CFAP77: variants seen among roughly 807,000 people sequenced by gnomAD.
CFAP77 encodes cilia- and flagella-associated protein 77.
In CFAP77, 25 loss-of-function variants were observed where a neutral mutation model predicts 31.1. That is an observed-to-expected ratio of 0.80 (90% CI 0.59 to 1.12). CFAP77 has a LOEUF of 1.12. CFAP77 is among the 50% of genes most tolerant of loss of function. The probability of loss-of-function intolerance (pLI) is 0.00; values close to 1 mark genes in which losing one functional copy is unlikely to be tolerated. For missense variants in CFAP77, 377 were observed against 397.3 expected (o/e 0.95, Z 0.44); for synonymous variants, 151 against 159.9 (o/e 0.94, Z 0.42).
chr9:132,521,778 T>TTTTTTTTTTTTTTTTTTTTTTTG (rs533275755), intron 3 of CFAP77, among the ~76,000 whole-genome samples: 2 of 106,150 alleles, frequency 1.9e-5, no homozygotes, highest in Admixed American at 1.1e-4. Context: ...TTTTTTTTTT[T>TTTTTTTTTTTTTTTTTTTTTTTG]TTTTTTGAGA....
At chr9:132,429,394 C>T (rs1265789512) in intron 1 of CFAP77, among the ~76,000 whole-genome samples, 5 of 151,512 alleles carry the variant, frequency 3.3e-5, no homozygotes, top group African/African-American at 9.7e-5. Context: ...CAAAAATTAG[C>T]CAGGGGTGGT....
At chr9:132,515,069 AG>A (rs1318646995) in intron 3 of CFAP77, among the ~76,000 whole-genome samples, 2 of 152,188 alleles carry the variant, frequency 1.3e-5, no homozygotes, top group African/African-American at 4.8e-5. Flanking sequence ...AAAGGGTGCC[AG>A]GGAACACGTG....
At chr9:132,449,800 G>A (rs924670780) in intron 1 of CFAP77, among the ~76,000 whole-genome samples, 1 of 152,156 alleles carries the variant, frequency 6.6e-6, no homozygotes, top group African/African-American at 2.4e-5. Context: ...CTACCAGCAG[G>A]GTATGAGCAT....
chr9:132,443,837 A>G (rs1318989776), intron 1 of CFAP77, among the ~76,000 whole-genome samples: 2 of 152,214 alleles, frequency 1.3e-5, no homozygotes, highest in Admixed American at 6.5e-5. Context: ...AATAGTAGAC[A>G]CTGGACTTGA....
chr9:132,449,702 G>A (rs965946720), intron 1 of CFAP77, among the ~76,000 whole-genome samples: 2 of 152,150 alleles, frequency 1.3e-5, no homozygotes, highest in Non-Finnish European at 2.9e-5. Context: ...ACCCAGGAAC[G>A]GGATTGTGGA....
In CFAP77 at chr9:132,468,164, G is replaced by A. The variant is rs1021086034; in HGVS notation, c.196-30531G>A. On this transcript the variant is annotated intron_variant, in intron 1 of 5. Transcript: ENST00000393216. ...TCGAGACCAGCCTGGTCAACATGGC[G>A]AAACCCCGTATCTACTAAAAAATAC... Among the ~76,000 whole-genome samples, 7 of 152,052 alleles carry A rather than the reference G, an allele frequency of 4.6e-5. No individual in the cohort carries two copies. In the East Asian group the frequency reaches 7.7e-4, roughly 17 times the overall value.
intron 3 of CFAP77, among the ~76,000 whole-genome samples, chr9:132,515,564 C>T (rs371191752): frequency 6.6e-6 from 1 of 152,276 alleles, no homozygotes; most frequent in South Asian, 2.1e-4. Flanking sequence ...GGCCCAGGCA[C>T]GGGGCCTTCT....
chr9:132,548,803 A>G (rs1046029655), intron 5 of CFAP77, among the ~76,000 whole-genome samples: 1 of 150,956 alleles, frequency 6.6e-6, no homozygotes, highest in Non-Finnish European at 1.5e-5. Flanking sequence ...TCACTAAAGT[A>G]TGAACAAATT....
In CFAP77 at chr9:132,499,165, C is replaced by T. The variant is rs973429148; in HGVS notation, c.296-207C>T. Among the ~76,000 whole-genome samples the T allele has an allele frequency of 5.9e-5, 9 of 152,236 alleles. No homozygotes were observed. The highest frequency in any genetic ancestry group is 1.0e-4 in the Non-Finnish European group (7 of 68,034). On this transcript the variant is annotated intron_variant, in intron 2 of 5. Coordinates refer to ENST00000393216, the MANE Select transcript of CFAP77 (RefSeq NM_001282957.2). The surrounding 1 kb of genome is among the most constrained non-coding windows in gnomAD (Gnocchi z 5.4). Reference sequence around the variant, plus strand: ...GCCCAGCTCCAGGGAAGATGCTTGGCTTGGGTACCCTCAGGATCTCTGGGA... The same window carrying T: ...GCCCAGCTCCAGGGAAGATGCTTGGTTTGGGTACCCTCAGGATCTCTGGGA...
chr9:132,486,017 T>C (rs1851536363), intron 1 of CFAP77, among the ~76,000 whole-genome samples: 1 of 40,930 alleles, frequency 2.4e-5, no homozygotes, highest in African/African-American at 2.6e-4. Flanking sequence ...TATATATATA[T>C]ATATATATAT....
intron 1 of CFAP77, among the ~76,000 whole-genome samples, chr9:132,496,967 T>G (rs760938925): frequency 1.3e-5 from 2 of 152,170 alleles, no homozygotes; most frequent in African/African-American, 2.4e-5. Context: ...TAAGAGTCAC[T>G]GGCATTCAGA....
intron 5 of CFAP77, among the ~76,000 whole-genome samples, chr9:132,549,996 CAAAAG>C (rs1852798875): frequency 6.6e-6 from 1 of 152,178 alleles, no homozygotes; most frequent in Admixed American, 6.5e-5. Flanking sequence ...GAGGCAGAGA[CAAAAG>C]GAAAGGAGGT....
rs1296226605 is a variant in CFAP77 at position 132,539,963 on chromosome 9, C to T, written c.630+2257C>T. ...TGTTTGTTTTTGAGACGGAGTTTTG[C>T]TCTTGTTGCCCAGGCTGGAGTGCAA... On this transcript the variant is annotated intron_variant, in intron 4 of 5. Coordinates refer to ENST00000393216, the MANE Select transcript of CFAP77 (RefSeq NM_001282957.2). This position sits in a 1 kb window ranked among gnomAD's most constrained non-coding sequence, Gnocchi z 4.3. Among the ~76,000 whole-genome samples the T allele has an allele frequency of 6.6e-6, 1 of 151,854 alleles. No individual in the cohort carries two copies. The highest frequency in any genetic ancestry group is 2.4e-5 in the African/African-American group (1 of 41,316).
intron 5 of CFAP77, among the ~76,000 whole-genome samples, chr9:132,548,541 G>C (rs1023974275): frequency 2.6e-5 from 4 of 152,160 alleles, no homozygotes; most frequent in Non-Finnish European, 4.4e-5. Context: ...CTTCCCTCAG[G>C]CATGAAGGTC....
intron 1 of CFAP77, among the ~76,000 whole-genome samples, chr9:132,411,645 G>A (rs986539654): frequency 6.6e-6 from 1 of 152,184 alleles, no homozygotes; most frequent in Non-Finnish European, 1.5e-5. Flanking sequence ...GCCACTCTGA[G>A]TGGACAGGCA....
intron 1 of CFAP77, among the ~76,000 whole-genome samples, chr9:132,458,547 G>A (rs1225813194): frequency 6.6e-6 from 1 of 152,232 alleles, no homozygotes; most frequent in Non-Finnish European, 1.5e-5. Flanking sequence ...GGTCCGCACA[G>A]GACAGAGTGA....
At chr9:132,422,224 G>T (rs1406113957) in intron 1 of CFAP77, among the ~76,000 whole-genome samples, 1 of 152,186 alleles carries the variant, frequency 6.6e-6, no homozygotes, top group East Asian at 1.9e-4. Flanking sequence ...GGCCAGACTG[G>T]TCTTGAACTC....
At chr9:132,532,774 C>T (rs192024454) in intron 3 of CFAP77, among the ~76,000 whole-genome samples, 1 of 152,092 alleles carries the variant, frequency 6.6e-6, no homozygotes, top group East Asian at 1.9e-4. Flanking sequence ...ATAAACCAGG[C>T]GTGGTGGTTC....
chr9:132,430,965 A>C (rs868399996), intron 1 of CFAP77, among the ~76,000 whole-genome samples: 15 of 152,244 alleles, frequency 9.9e-5, no homozygotes, highest in African/African-American at 3.4e-4. Context: ...AGTGCTGCAC[A>C]GCATGTCTAC....
Sources: allele counts gnomAD v4.1 joint callset (sites outside exome capture counted in the v4.1 genomes callset), GRCh38; gene constraint gnomAD v4.1.1; non-coding constraint Gnocchi (gnomAD v3.1); transcripts MANE v1.5; gene names NCBI Gene and HGNC (gene_info 2026-07-23, HGNC 2026-07-21).